Variants in APOO observed in about 807,000 individuals in gnomAD.
The protein encoded by APOO is MICOS complex subunit MIC26.
In APOO, 11 loss-of-function variants were observed where a neutral mutation model predicts 23.1. The ratio of observed to expected loss-of-function variants is 0.48; its 90% CI spans 0.30 to 0.79. APOO has a LOEUF of 0.79. Ranked by LOEUF, APOO falls within the 30% of genes least tolerant of loss-of-function variation. The pLI is 0.07. For missense variants in APOO, 160 were observed against 142.7 expected, an observed-to-expected ratio of 1.12 and a Z score of -0.62; for synonymous variants, 59 against 54.8, an observed-to-expected ratio of 1.08 and a Z score of -0.34.
chrX:23,867,975 A>T (rs1925421275), intron 5 of APOO, among the ~76,000 whole-genome samples: 1 of 112,345 alleles, frequency 8.9e-6, no homozygotes, highest in Non-Finnish European at 1.9e-5. Flanking sequence ...AACTTTCTTC[A>T]TTAGGAATGA....
chrX:23,864,599 G>A (rs967415799), intron 5 of APOO, among the ~76,000 whole-genome samples: 7 of 112,109 alleles, frequency 6.2e-5, no homozygotes, highest in South Asian at 7.3e-4. Flanking sequence ...ACTGTACCCC[G>A]ACAGAATGTG....
At chrX:23,888,302 C>A (rs1248040389) in intron 1 of APOO, among the ~76,000 whole-genome samples, 1 of 112,213 alleles carries the variant, frequency 8.9e-6, no homozygotes, top group African/African-American at 3.2e-5. Context: ...TCTGTCTCCA[C>A]TGAAGCTTGC....
intron 5 of APOO, among the ~76,000 whole-genome samples, chrX:23,860,656 G>A (rs779919301): frequency 1.8e-5 from 2 of 109,060 alleles, no homozygotes; most frequent in Non-Finnish European, 3.8e-5. Flanking sequence ...GGGACAAGAG[G>A]TGCAAGCCAT....
rs376256040 is a variant in APOO, at chrX:23,868,910, C to CT, written c.293-223dup. Among the ~76,000 whole-genome samples the CT allele has an allele frequency of 1.9e-3, 188 of 98,026 alleles. 1 individual carries two copies. Among genetic ancestry groups the CT allele is most frequent in the South Asian group, 0.017 (39 of 2,229 alleles). The allele number at this position is 98,026 out of a possible 115,157, so 85.1% of individuals were successfully genotyped here. On this transcript the variant is annotated intron_variant, in intron 4 of 8. Coordinates refer to ENST00000379226, the MANE Select transcript of APOO (RefSeq NM_024122.5). ...GCAAGTGTCCAATTTTCTTTTCTTTCTTTTTTTTTTTTTTTGAGATGAAGT... is the reference window on the plus strand; with the variant it reads ...GCAAGTGTCCAATTTTCTTTTCTTTCTTTTTTTTTTTTTTTTGAGATGAAGT...
At position 23,849,583 on chromosome X, in the gene APOO, T is replaced by TAAAAAAAAAAAAAAAAAAAAAA. The variant is rs143362355; in HGVS notation, c.561+6697_561+6718dup. Among the ~76,000 whole-genome samples the TAAAAAAAAAAAAAAAAAAAAAA allele has an allele frequency of 9.8e-4, 32 of 32,591 alleles. 5 individuals are homozygous for TAAAAAAAAAAAAAAAAAAAAAA. The highest frequency in any genetic ancestry group is 1.3e-3 in the Non-Finnish European group (26 of 19,533). 28.3% of individuals were successfully genotyped at this position (32,591 alleles called of 115,157 possible). A position where few individuals can be genotyped will look rare whatever the true frequency, so the allele number is the denominator to read the frequency against. ...GGGAGCCTGTAGATTAAGAGAGACT[T>TAAAAAAAAAAAAAAAAAAAAAA]AAAAAAAAAAAAAAAAAAAAAAAAA... On this transcript the variant is annotated intron_variant, in intron 7 of 8. Transcript: ENST00000379226.
intron 1 of APOO, among the ~76,000 whole-genome samples, chrX:23,886,055 T>C (rs913626594): frequency 4.5e-5 from 5 of 111,244 alleles, no homozygotes; most frequent in Non-Finnish European, 7.5e-5. Context: ...TGCAGGAAGT[T>C]TGGCAGCATC....
chrX:23,901,383 A>G (rs1239390279), intron 1 of APOO, among the ~76,000 whole-genome samples: 1 of 111,378 alleles, frequency 9.0e-6, no homozygotes, highest in Non-Finnish European at 1.9e-5. Context: ...TTCTACATCA[A>G]CTGATTTCCC....
At chrX:23,836,555 C>T (rs1327330018) in intron 8 of APOO, among the ~76,000 whole-genome samples, 1 of 111,317 alleles carries the variant, frequency 9.0e-6, no homozygotes, top group Non-Finnish European at 1.9e-5. Context: ...CCTCATGATC[C>T]GCCCACCTCA....
intron 8 of APOO, among the ~76,000 whole-genome samples, chrX:23,838,357 C>CAAAAAAAAAAA (rs764414297): frequency 5.0e-5 from 1 of 20,063 alleles, no homozygotes; most frequent in African/African-American, 3.8e-4. Flanking sequence ...AACTCTATCT[C>CAAAAAAAAAAA]AAAAAAAAAA....
intron 7 of APOO, among the ~76,000 whole-genome samples, chrX:23,855,704 G>T (rs1924753269): frequency 1.8e-5 from 2 of 111,349 alleles, no homozygotes; most frequent in Non-Finnish European, 3.8e-5. Flanking sequence ...CGGCTATGTG[G>T]CCACTAAAAG....
In APOO at chrX:23,895,874, T is replaced by TA. The variant is rs199895348; in HGVS notation, c.9+11819_9+11820insT. ...AGAAGAAAAGAAAATGGCATTTTTT[T>TA]TAAAAAAAAAAAAGAGGAAGGGGAC... On this transcript the variant is annotated intron_variant, in intron 1 of 8. Transcript: ENST00000379226. Among the ~76,000 whole-genome samples the TA allele has an allele frequency of 7.0e-3, 741 of 106,368 alleles. 5 individuals carry two copies. The highest frequency in any genetic ancestry group is 0.01 in the African/African-American group (298 of 29,700). 92.4% of individuals were successfully genotyped at this position (106,368 alleles called of 115,157 possible).
chrX:23,882,837 G>T (rs912366545), intron 1 of APOO, among the ~76,000 whole-genome samples: 1 of 110,760 alleles, frequency 9.0e-6, no homozygotes, highest in Non-Finnish European at 1.9e-5. Flanking sequence ...TGTAGAGACA[G>T]GGTTTTGCCA....
intron 7 of APOO, among the ~76,000 whole-genome samples, chrX:23,852,531 T>C (rs1924589155): frequency 9.1e-6 from 1 of 109,392 alleles, no homozygotes; most frequent in South Asian, 4.0e-4. Flanking sequence ...GGAGAATCGC[T>C]TGAACCCGGG....
chrX:23,868,977 C>G (rs760719006), intron 4 of APOO, among the ~76,000 whole-genome samples: 1 of 104,903 alleles, frequency 9.5e-6, no homozygotes, highest in South Asian at 4.3e-4. Context: ...GGCGTGATCT[C>G]GGCTCACTGC....
intron 1 of APOO, among the ~76,000 whole-genome samples, chrX:23,885,905 C>T (rs1236164722): frequency 1.8e-5 from 2 of 111,381 alleles, no homozygotes; most frequent in African/African-American, 6.5e-5. Context: ...CCCCAGGAGA[C>T]CTGGGAGACC....
chrX:23,893,401 G>A (rs1396428427), intron 1 of APOO, among the ~76,000 whole-genome samples: 2 of 109,526 alleles, frequency 1.8e-5, no homozygotes, highest in Non-Finnish European at 3.8e-5. Context: ...CTCCAGTCTG[G>A]GCGACAGGGC....
In APOO at chrX:23,888,306, A is replaced by G. The variant is rs375986692; in HGVS notation, c.10-7354T>C. Among the ~76,000 whole-genome samples the G allele has an allele frequency of 4.5e-5, 5 of 112,231 alleles. No homozygotes were observed. The East Asian group carries it at 1.1e-3, about 25-fold the overall frequency. ...TTGGTTCTTACTCTGTCTCCACTGAAGCTTGCGAAGGACTGATGTTGGCAA... is the reference window on the plus strand; with the variant it reads ...TTGGTTCTTACTCTGTCTCCACTGAGGCTTGCGAAGGACTGATGTTGGCAA... On this transcript the variant is annotated intron_variant, in intron 1 of 8. Coordinates refer to ENST00000379226, the MANE Select transcript of APOO (RefSeq NM_024122.5).
At chrX:23,873,377 C>T (rs905320445) in intron 4 of APOO, among the ~76,000 whole-genome samples, 9 of 111,308 alleles carry the variant, frequency 8.1e-5, no homozygotes, top group African/African-American at 1.3e-4. Context: ...TGGGCCGAGG[C>T]GGGCAGATCA....
chrX:23,861,857 G>A (rs1316119101), intron 5 of APOO, among the ~76,000 whole-genome samples: 1 of 100,156 alleles, frequency 1.0e-5, no homozygotes, highest in Non-Finnish European at 2.0e-5. Flanking sequence ...AGGTTGGAGT[G>A]CAGTGGCGTG....
Sources: allele counts gnomAD v4.1 joint callset (sites outside exome capture counted in the v4.1 genomes callset), GRCh38; gene constraint gnomAD v4.1.1; transcripts MANE v1.5; gene names NCBI Gene and HGNC (gene_info 2026-07-23, HGNC 2026-07-21).